The following CYSTM1 variants were observed in gnomAD, a reference collection of about 807,000 sequenced individuals.
CYSTM1 encodes the protein cysteine-rich transmembrane module-containing protein 1.
A neutral mutation model predicts 13.1 loss-of-function variants in CYSTM1; 4 were observed. The ratio of observed to expected loss-of-function variants is 0.31; its 90% CI spans 0.15 to 0.70. The LOEUF is 0.70. CYSTM1 is among the 30% of genes least tolerant of loss of function. CYSTM1 has a pLI of 0.72. For missense variants in CYSTM1, 96 were observed against 121.6 expected (o/e 0.79, Z 0.99); for synonymous variants, 36 against 42.7 (o/e 0.84, Z 0.62).
At position 140,219,970 on chromosome 5, in the gene CYSTM1, T is replaced by C. The variant is rs577020478; in HGVS notation, c.188-23335T>C. On this transcript the variant is annotated intron_variant, in intron 2 of 2. Coordinates refer to ENST00000261811, the MANE Select transcript of CYSTM1 (RefSeq NM_032412.4). This position sits in a 1 kb window ranked among gnomAD's most constrained non-coding sequence, Gnocchi z 4.1. ...TCCACTCAAAGTAACTTCTCTCTTT[T>C]TTTTTTCTGTAACCCAGTGCCTGAA... Among the ~76,000 whole-genome samples the C allele has an allele frequency of 6.4e-4, 98 of 152,334 alleles. No homozygotes were observed. The highest frequency in any genetic ancestry group is 1.1e-3 in the Non-Finnish European group (75 of 68,022).
intron 1 of CYSTM1, among the ~76,000 whole-genome samples, chr5:140,189,618 A>G (rs958009524): frequency 6.6e-6 from 1 of 152,190 alleles, no homozygotes; most frequent in African/African-American, 2.4e-5. Flanking sequence ...TCACGTAATA[A>G]TAGTTATTTT....
intron 2 of CYSTM1, among the ~76,000 whole-genome samples, chr5:140,224,519 C>T (rs1013676452): frequency 6.6e-6 from 1 of 152,034 alleles, no homozygotes; most frequent in Admixed American, 6.6e-5. Flanking sequence ...GGCATTGTTT[C>T]TTTTTTTCTT....
chr5:140,195,737 G>A lies in CYSTM1; in HGVS notation c.187+1085G>A, dbSNP rs1352422950. 6.8e-5 allele frequency among the ~76,000 whole-genome samples: 10 copies of A among 147,992 alleles called. No homozygotes were observed. The South Asian group carries it at 1.8e-3, about 26-fold the overall frequency. ...TGAGCCACTGTGCCTGGCCAAGATA[G>A]CTAATTCTTAAAAAGTGCTTATTAT... On this transcript the variant is annotated intron_variant, in intron 2 of 2. Transcript: ENST00000261811.
At position 140,219,602 on chromosome 5, in the gene CYSTM1, G is replaced by T. The variant is rs1764467546; in HGVS notation, c.188-23703G>T. Among the ~76,000 whole-genome samples, 1 of 152,142 alleles carries T rather than the reference G, an allele frequency of 6.6e-6. No homozygotes were observed. Among genetic ancestry groups the T allele is most frequent in the Non-Finnish European group, 1.5e-5 (1 of 68,014 alleles). The stretch of plus-strand genomic sequence containing the variant: ...TGTCATAAAATTAAGCCTGGCAGTA[G>T]AAAAAGAAAACAACCTGCGGTGCTT... On this transcript the variant is annotated intron_variant, in intron 2 of 2. Transcript: ENST00000261811. This position sits in a 1 kb window ranked among gnomAD's most constrained non-coding sequence, Gnocchi z 4.1.
At chr5:140,226,606 AT>A (rs1764559525) in intron 2 of CYSTM1, among the ~76,000 whole-genome samples, 1 of 113,776 alleles carries the variant, frequency 8.8e-6, no homozygotes. Context: ...ATATATATAT[AT>A]ATATAAAAAT....
intron 2 of CYSTM1, among the ~76,000 whole-genome samples, chr5:140,206,920 G>A (rs1407655775): frequency 6.6e-6 from 1 of 152,172 alleles, no homozygotes; most frequent in East Asian, 1.9e-4. Flanking sequence ...ACAGGCGTGT[G>A]CCACCAAGGC....
At position 140,226,606 on chromosome 5, in the gene CYSTM1, A is replaced by G. The variant is rs538138199; in HGVS notation, c.188-16699A>G. Among the ~76,000 whole-genome samples the G allele has an allele frequency of 9.0e-3, 1,021 of 113,736 alleles. 20 individuals carry two copies. Among genetic ancestry groups the G allele is most frequent in the Non-Finnish European group, 0.014 (805 of 58,444 alleles). 74.6% of individuals were successfully genotyped at this position (113,736 alleles called of 152,430 possible). A position where few individuals can be genotyped will look rare whatever the true frequency, so the allele number is the denominator to read the frequency against. Reference sequence around the variant, plus strand: ...AAATATTATATATATATATATATATATATATAAAAATTAGCCAGATGTGAT... The same window carrying G: ...AAATATTATATATATATATATATATGTATATAAAAATTAGCCAGATGTGAT... On this transcript the variant is annotated intron_variant, in intron 2 of 2. Coordinates refer to ENST00000261811, the MANE Select transcript of CYSTM1 (RefSeq NM_032412.4).
At chr5:140,187,880 C>G (rs1376987898) in intron 1 of CYSTM1, among the ~76,000 whole-genome samples, 3 of 151,520 alleles carry the variant, frequency 2.0e-5, no homozygotes, top group Non-Finnish European at 2.9e-5. Context: ...CATTTGAAGA[C>G]CTTAGAGAAC....
At chr5:140,217,169 A>C (rs965141637) in intron 2 of CYSTM1, among the ~76,000 whole-genome samples, 132 of 152,188 alleles carry the variant, frequency 8.7e-4, no homozygotes, top group Non-Finnish European at 1.7e-3. Context: ...CTAGCCTGGG[A>C]TACCTTTTCA....
At chr5:140,226,861 G>T (rs1430435557) in intron 2 of CYSTM1, among the ~76,000 whole-genome samples, 2 of 151,812 alleles carry the variant, frequency 1.3e-5, no homozygotes, top group African/African-American at 4.8e-5. Flanking sequence ...GCCAAGGGGT[G>T]GGGTGGGCAC....
At chr5:140,221,499 C>T (rs1255222133) in intron 2 of CYSTM1, among the ~76,000 whole-genome samples, 1 of 152,260 alleles carries the variant, frequency 6.6e-6, no homozygotes, top group Non-Finnish European at 1.5e-5. Context: ...GCTTATTTCA[C>T]TTAGCACAAT....
intron 2 of CYSTM1, among the ~76,000 whole-genome samples, chr5:140,213,012 A>ATATATATAT (rs34804832): frequency 2.4e-5 from 2 of 84,694 alleles, no homozygotes; most frequent in African/African-American, 3.7e-5. Flanking sequence ...TATATATATG[A>ATATATATAT]GAGAGAGAGA....
At chr5:140,224,883 A>G (rs1210347240) in intron 2 of CYSTM1, among the ~76,000 whole-genome samples, 1 of 152,186 alleles carries the variant, frequency 6.6e-6, no homozygotes, top group African/African-American at 2.4e-5. Context: ...TCGTGGTTTC[A>G]CTTCAAGATG....
chr5:140,192,648 AG>A (rs1209788075), intron 1 of CYSTM1, among the ~76,000 whole-genome samples: 2 of 152,190 alleles, frequency 1.3e-5, no homozygotes, highest in Non-Finnish European at 2.9e-5. Context: ...ACCTTTGTAC[AG>A]GGGAAGGGAA....
At chr5:140,225,024 T>A (rs1282166789) in intron 2 of CYSTM1, among the ~76,000 whole-genome samples, 1 of 151,962 alleles carries the variant, frequency 6.6e-6, no homozygotes, top group Non-Finnish European at 1.5e-5. Context: ...CTACAAAAAA[T>A]TTTAAAAATT....
chr5:140,181,520 A>G (rs191097249), intron 1 of CYSTM1, among the ~76,000 whole-genome samples: 36 of 152,342 alleles, frequency 2.4e-4, no homozygotes, highest in Admixed American at 1.9e-3. Context: ...TTTAGGGACA[A>G]TCTGCCAGAC....
chr5:140,178,441 C>CTTTTTTTTTTTTTTTTTTTGTTTT, intron 1 of CYSTM1, among the ~76,000 whole-genome samples: 1 of 52,628 alleles, frequency 1.9e-5, no homozygotes, highest in Non-Finnish European at 3.3e-5. Flanking sequence ...CAAGTCCTTC[C>CTTTTTTTTTTTTTTTTTTTGTTTT]TTTTTTTTTT....
At chr5:140,187,532 C>T (rs577632848) in intron 1 of CYSTM1, among the ~76,000 whole-genome samples, 1 of 152,148 alleles carries the variant, frequency 6.6e-6, no homozygotes, top group African/African-American at 2.4e-5. Flanking sequence ...ACACCCAGCT[C>T]AATTTTCCTA....
At chr5:140,226,440 C>A (rs1375905254) in intron 2 of CYSTM1, among the ~76,000 whole-genome samples, 2 of 131,980 alleles carry the variant, frequency 1.5e-5, no homozygotes, top group African/African-American at 2.8e-5. Flanking sequence ...ACCAGCCTGG[C>A]AAACATGGTG....
Sources: allele counts gnomAD v4.1 joint callset (sites outside exome capture counted in the v4.1 genomes callset), GRCh38; gene constraint gnomAD v4.1.1; non-coding constraint Gnocchi (gnomAD v3.1); transcripts MANE v1.5; gene names NCBI Gene and HGNC (gene_info 2026-07-23, HGNC 2026-07-21).